BIRC6: variants seen among roughly 807,000 people sequenced by gnomAD.
BIRC6 encodes dual E2 ubiquitin-conjugating enzyme/E3 ubiquitin-protein ligase BIRC6.
In BIRC6, 98 loss-of-function variants were observed where a neutral mutation model predicts 503.3. The observed-to-expected ratio is 0.19, with a 90% CI of 0.17 to 0.23. The LOEUF (loss-of-function observed/expected upper bound fraction) is 0.23, where lower values mean the gene tolerates loss of function less well. BIRC6 is among the 10% of genes least tolerant of loss of function. BIRC6 has a pLI of 1.00. For synonymous variants in BIRC6, 2,240 were observed against 2,078.7 expected (o/e 1.08, Z -2.11); for missense variants, 5,360 against 5,806.0 (o/e 0.92, Z 2.50).
chr2:32,412,757 C>A (rs1280487693), intron 9 of BIRC6, among the ~76,000 whole-genome samples: 2 of 151,642 alleles, frequency 1.3e-5, no homozygotes, highest in African/African-American at 4.8e-5. Context: ...GCTTATAACT[C>A]CTTCAGAGTG....
intron 1 of BIRC6, among the ~76,000 whole-genome samples, chr2:32,362,112 T>G (rs1241687393): frequency 6.6e-6 from 1 of 152,202 alleles, no homozygotes; most frequent in Non-Finnish European, 1.5e-5. Context: ...ACTGACAGAC[T>G]CTTAGTGGCT....
rs1246597140 is a variant in BIRC6, at chr2:32,357,279, G to A, written c.118G>A (p.Gly40Ser). 7 of 1,524,266 alleles carry A rather than the reference G, an allele frequency of 4.6e-6. No individual in the cohort carries two copies. In the African/African-American group the frequency reaches 5.7e-5, roughly 13 times the overall value. 94.4% of individuals were successfully genotyped at this position (1,524,266 alleles called of 1,614,324 possible). A position where few individuals can be genotyped will look rare whatever the true frequency, so the allele number is the denominator to read the frequency against. Residue 40 changes from glycine (G) to serine (S), a missense_variant, in exon 1 of 74, where the codon GGC becomes AGC. Gly to Ser is a moderately conservative substitution (Grantham distance 56). This residue lies in a region of BIRC6 where 145 missense variants were observed against 106.9 expected (regional missense o/e 1.36). Coordinates refer to ENST00000421745, the MANE Select transcript of BIRC6 (RefSeq NM_016252.4). The surrounding 1 kb of genome is among the most constrained non-coding windows in gnomAD (Gnocchi z 4.9). The part of the protein sequence containing the change: ...AAAAAAASGP[G>S]CSSAAGAGAA... The stretch of plus-strand genomic sequence containing the variant: ...TGCGGCTGCGGCGGCCTCGGGCCCC[G>A]GCTGCTCCTCGGCGGCGGGGGCGGG...
At position 32,415,827 on chromosome 2, in the gene BIRC6, A is replaced by G. The variant is rs757268907; in HGVS notation, c.2536A>G (p.Ile846Val). 2 of 1,613,892 alleles carry G rather than the reference A, an allele frequency of 1.2e-6. No individual in the cohort carries two copies. The highest frequency in any genetic ancestry group is 8.5e-7 in the Non-Finnish European group (1 of 1,179,878). Residue 846 changes from isoleucine to valine, a missense_variant, in exon 10 of 74, where the codon ATA becomes GTA. Physicochemically the swap from Ile to Val is conservative, Grantham distance 29. Around this residue, in one of 16 missense-constraint regions of BIRC6, gnomAD observed 700 missense variants for 739.3 expected, o/e 0.95. Transcript: ENST00000421745. The part of the protein sequence containing the change: ...IVTLEEEPIK[I>V]QHIKDPQDTI... ...GACTTTAGAAGAGGAGCCAATAAAA[A>G]TACAACATATCAAAGATCCCCAGGA...
chr2:32,491,522 C>T lies in BIRC6; in HGVS notation c.8304C>T (p.Gly2768=), dbSNP rs766845760. ...LIHVLVKFLS[G]TSPHGTNQHS... ...ATGTATTAGTGAAATTTCTTTCTGG[C>T]ACCAGTCCACATGGAACAAATCAAC... is the stretch of plus-strand genomic sequence containing the variant. Residue 2768 remains glycine (G), a synonymous_variant, in exon 44 of 74, where the codon GGC becomes GGT. Coordinates refer to ENST00000421745, the MANE Select transcript of BIRC6 (RefSeq NM_016252.4). The T allele has an allele frequency of 6.2e-6, 10 of 1,613,412 alleles. No homozygotes were observed. The South Asian group carries it at 8.8e-5, about 14-fold the overall frequency.
chr2:32,432,029 G>A (rs915400640), intron 12 of BIRC6, among the ~76,000 whole-genome samples: 1 of 152,176 alleles, frequency 6.6e-6, no homozygotes, highest in Non-Finnish European at 1.5e-5. Context: ...GAACCCTGAG[G>A]ACTATATTTT....
At chr2:32,378,368 G>C (rs1362954280) in intron 2 of BIRC6, among the ~76,000 whole-genome samples, 2 of 151,946 alleles carry the variant, frequency 1.3e-5, no homozygotes, top group Non-Finnish European at 2.9e-5. Context: ...ACACCAAGCT[G>C]AGAGGGAGAC....
intron 4 of BIRC6, among the ~76,000 whole-genome samples, chr2:32,389,223 TTAG>T (rs2038899679): frequency 6.6e-6 from 1 of 152,162 alleles, no homozygotes; most frequent in Admixed American, 6.5e-5. Context: ...TAGTACTTGC[TTAG>T]TAAATATTTT....
chr2:32,391,942 C>A, intron 4 of BIRC6, 97 bp from the exon 5 acceptor site: 1 of 767,840 alleles, frequency 1.3e-6, no homozygotes, highest in Non-Finnish European at 2.0e-6. Context: ...GCAGTTTTTG[C>A]TGATAACCCA....
chr2:32,364,157 A>G (rs1245256316), intron 1 of BIRC6, among the ~76,000 whole-genome samples: 1 of 152,236 alleles, frequency 6.6e-6, no homozygotes, highest in African/African-American at 2.4e-5. Context: ...ATGGCAGTAT[A>G]TGGGTAGGAG....
At chr2:32,612,143 T>C (rs934810681) in intron 73 of BIRC6, among the ~76,000 whole-genome samples, 13 of 152,208 alleles carry the variant, frequency 8.5e-5, no homozygotes, top group African/African-American at 1.9e-4. Context: ...ACTGGAATTA[T>C]AGGCATGAGC....
intron 1 of BIRC6, among the ~76,000 whole-genome samples, chr2:32,362,613 C>T (rs2034290782): frequency 6.6e-6 from 1 of 152,010 alleles, no homozygotes; most frequent in East Asian, 1.9e-4. Flanking sequence ...CCACCTCACC[C>T]AGCCTGACTT....
chr2:32,469,095 C>G (rs1204140171), intron 29 of BIRC6, among the ~76,000 whole-genome samples: 4 of 152,082 alleles, frequency 2.6e-5, no homozygotes, highest in Admixed American at 2.6e-4. Context: ...TAATATAGAG[C>G]TATCATTTTC....
At chr2:32,543,572 A>G in intron 62 of BIRC6, 31 bp downstream of exon 62, 1 of 1,589,418 alleles carries the variant, frequency 6.3e-7, no homozygotes, top group Non-Finnish European at 8.6e-7. Context: ...TTATCAACAC[A>G]TATGTGAATA....
Position 32,561,908 on chromosome 2 carries a change from G to C in BIRC6, c.13144+12427G>C, listed in dbSNP as rs1034439619. Among the ~76,000 whole-genome samples the C allele has an allele frequency of 6.6e-5, 10 of 151,888 alleles. No homozygotes were observed. In the South Asian group the frequency reaches 1.0e-3, roughly 16 times the overall value. On this transcript the variant is annotated intron_variant, in intron 65 of 73. Coordinates refer to ENST00000421745, the MANE Select transcript of BIRC6 (RefSeq NM_016252.4). ...AATACAAAAACTAGCCAGGCGTGGTGGTGGGCCCCTGTAATCGCAGCTACT... is the reference window on the plus strand; with the variant it reads ...AATACAAAAACTAGCCAGGCGTGGTCGTGGGCCCCTGTAATCGCAGCTACT...
intron 1 of BIRC6, among the ~76,000 whole-genome samples, chr2:32,374,582 C>A (rs1376989986): frequency 6.6e-6 from 1 of 151,710 alleles, no homozygotes; most frequent in East Asian, 1.9e-4. Flanking sequence ...ACGCCATTCT[C>A]CTGCCTCAGC....
In BIRC6 at chr2:32,468,537, G is replaced by T. The variant is rs1275160451; in HGVS notation, c.5881G>T (p.Asp1961Tyr). The change falls in exon 29 of 74, where the codon GAT (aspartate) becomes TAT (tyrosine). Residue 1961 changes from aspartate (D) to tyrosine (Y), a missense_variant. By Grantham distance (160) the Asp-to-Tyr change is radical. Around this residue, in one of 16 missense-constraint regions of BIRC6, gnomAD observed 2,299 missense variants for 2,267.2 expected, o/e 1.01. Coordinates refer to ENST00000421745, the MANE Select transcript of BIRC6 (RefSeq NM_016252.4). ...TGCACAGTACTTTTTACGAAAACCA[G>T]ATAAGGCAGTTGAGGAAGACAGTAG... ...NNAQYFLRKP[D>Y]KAVEEDSRVF... The T allele has an allele frequency of 1.2e-6, 2 of 1,613,994 alleles. No homozygotes were observed. The highest frequency in any genetic ancestry group is 1.7e-6 in the Non-Finnish European group (2 of 1,179,866).
intron 57 of BIRC6, among the ~76,000 whole-genome samples, chr2:32,520,019 G>C (rs151157343): frequency 6.6e-6 from 1 of 152,254 alleles, no homozygotes; most frequent in East Asian, 1.9e-4. Flanking sequence ...AGAAATGTCT[G>C]TTTGCATTAT....
At chr2:32,490,665 C>G (rs538842882) in intron 43 of BIRC6, among the ~76,000 whole-genome samples, 3 of 151,972 alleles carry the variant, frequency 2.0e-5, no homozygotes, top group Non-Finnish European at 2.9e-5. Flanking sequence ...TATTTTTTAC[C>G]TTTTAAAAAC....
At chr2:32,576,305 T>A (rs764729404) in intron 66 of BIRC6, among the ~76,000 whole-genome samples, 2 of 152,228 alleles carry the variant, frequency 1.3e-5, no homozygotes, top group Non-Finnish European at 2.9e-5. Context: ...TTATTTTTAG[T>A]TTGTTTACAC....
Sources: allele counts gnomAD v4.1 joint callset (sites outside exome capture counted in the v4.1 genomes callset), GRCh38; gene constraint gnomAD v4.1.1; regional missense constraint gnomAD v4.1.1; non-coding constraint Gnocchi (gnomAD v3.1); transcripts MANE v1.5; gene names NCBI Gene and HGNC (gene_info 2026-07-23, HGNC 2026-07-21).